SDK1: variants seen among roughly 807,000 people sequenced by gnomAD.
SDK1 encodes protein sidekick-1.
A neutral mutation model predicts 245.5 loss-of-function variants in SDK1; 157 were observed. The observed-to-expected ratio is 0.64, with a 90% CI of 0.56 to 0.73. SDK1 has a LOEUF of 0.73. Among genes scored for constraint, SDK1 ranks in the 30% least tolerant of loss-of-function variants. The pLI is 0.00. For synonymous variants in SDK1, 1,647 were observed against 1,278.5 expected (o/e 1.29, Z -6.15); for missense variants, 3,583 against 3,002.3 (o/e 1.19, Z -4.52).
At chr7:3,770,069 G>C (rs1780364855) in intron 4 of SDK1, among the ~76,000 whole-genome samples, 1 of 151,954 alleles carries the variant, frequency 6.6e-6, no homozygotes, top group South Asian at 2.1e-4. Flanking sequence ...GAGTGAGGGA[G>C]ATGAGACAGG....
rs375427445 is a variant in SDK1, at chr7:3,588,823, C to T, written c.299-30257C>T. Among the ~76,000 whole-genome samples the T allele has an allele frequency of 1.2e-4, 18 of 152,248 alleles. No individual in the cohort carries two copies. In the East Asian group the frequency reaches 2.7e-3, roughly 23 times the overall value. On this transcript the variant is annotated intron_variant, in intron 1 of 44. Transcript: ENST00000404826. ...ACTTTGCATCACTACTTTGGATGAT[C>T]CAAATAAAGGAAATAAAAGAATCAA...
intron 1 of SDK1, among the ~76,000 whole-genome samples, chr7:3,477,655 C>T (rs1001888343): frequency 2.0e-5 from 3 of 151,730 alleles, no homozygotes; most frequent in Non-Finnish European, 4.4e-5. Context: ...GCTGGGACTT[C>T]AGCACACACT....
At chr7:3,402,768 G>C (rs1778924410) in intron 1 of SDK1, among the ~76,000 whole-genome samples, 1 of 152,076 alleles carries the variant, frequency 6.6e-6, no homozygotes, top group African/African-American at 2.4e-5. Flanking sequence ...ATATTTTTGA[G>C]TCTATTAGTT....
rs1781579755 is a variant in SDK1 at position 3,385,181 on chromosome 7, C to G, written c.298+83297C>G. 2.6e-5 allele frequency among the ~76,000 whole-genome samples: 4 copies of G among 152,274 alleles called. No homozygotes were observed. The South Asian group carries it at 8.3e-4, about 32-fold the overall frequency. On this transcript the variant is annotated intron_variant, in intron 1 of 44. Coordinates refer to ENST00000404826, the MANE Select transcript of SDK1 (RefSeq NM_152744.4). ...CACGTCATCTTAGGCAAGTTATGGG[C>G]TTTTTCTGAGCCTCAGTTTTTCTCC...
At chr7:3,710,738 G>A (rs1188039807) in intron 4 of SDK1, among the ~76,000 whole-genome samples, 3 of 152,242 alleles carry the variant, frequency 2.0e-5, no homozygotes, top group Non-Finnish European at 4.4e-5. Flanking sequence ...CCAGCAGAGA[G>A]GCTAATGGGC....
At chr7:3,365,852 C>T (rs1166099555) in intron 1 of SDK1, among the ~76,000 whole-genome samples, 7 of 151,866 alleles carry the variant, frequency 4.6e-5, no homozygotes, top group Admixed American at 3.9e-4. Context: ...GCCTGGCCAA[C>T]ATGGTGAAAC....
intron 5 of SDK1, among the ~76,000 whole-genome samples, chr7:3,911,708 A>AG (rs1779170645): frequency 3.9e-5 from 6 of 152,062 alleles, no homozygotes; most frequent in Non-Finnish European, 8.8e-5. Context: ...TCTTTACTGT[A>AG]CCCATTTTGT....
intron 1 of SDK1, among the ~76,000 whole-genome samples, chr7:3,548,924 T>C (rs113178977): frequency 0.017 from 2,582 of 152,290 alleles, 55 homozygotes; most frequent in African/African-American, 0.051. Context: ...AATCGGAGAC[T>C]TCTGTTAAGA....
chr7:3,613,640 G>C (rs967601056), intron 1 of SDK1, among the ~76,000 whole-genome samples: 2 of 152,076 alleles, frequency 1.3e-5, no homozygotes. Flanking sequence ...ACATCACTGG[G>C]TATACACCCA....
chr7:3,453,733 A>G (rs56175518), intron 1 of SDK1, among the ~76,000 whole-genome samples: 18,661 of 150,452 alleles, frequency 0.12, 1,600 homozygotes, highest in African/African-American at 0.25. Flanking sequence ...GTGCACCACC[A>G]TGTCTGGCTA....
chr7:3,512,841 T>A (rs967375207), intron 1 of SDK1, among the ~76,000 whole-genome samples: 1 of 152,222 alleles, frequency 6.6e-6, no homozygotes, highest in African/African-American at 2.4e-5. Flanking sequence ...CGATGAAATC[T>A]TTTTCTGTTT....
At chr7:4,052,963 T>C (rs1250565009) in intron 19 of SDK1, among the ~76,000 whole-genome samples, 1 of 151,662 alleles carries the variant, frequency 6.6e-6, no homozygotes, top group Non-Finnish European at 1.5e-5. Context: ...GGCAGGCGCC[T>C]GTAATCCCAG....
chr7:3,705,471 ATTTTATTTTAT>A (rs1562384691), intron 4 of SDK1, among the ~76,000 whole-genome samples: 3 of 136,216 alleles, frequency 2.2e-5, no homozygotes, highest in African/African-American at 6.4e-5. Context: ...ATTTTATTTT[ATTTTATTTTAT>A]TTTATTTTAT....
chr7:3,401,506 C>G (rs1778886349), intron 1 of SDK1, among the ~76,000 whole-genome samples: 1 of 152,116 alleles, frequency 6.6e-6, no homozygotes, highest in Admixed American at 6.6e-5. Context: ...CATAGGACTT[C>G]ATAATTTTAT....
intron 5 of SDK1, among the ~76,000 whole-genome samples, chr7:3,834,535 G>A (rs971508357): frequency 2.6e-5 from 4 of 152,236 alleles, no homozygotes; most frequent in South Asian, 2.1e-4. Context: ...TGCACCAGCA[G>A]TGAGATGATT....
At chr7:3,528,473 G>C (rs1230157284) in intron 1 of SDK1, among the ~76,000 whole-genome samples, 1 of 151,980 alleles carries the variant, frequency 6.6e-6, no homozygotes, top group East Asian at 1.9e-4. Flanking sequence ...TTTTCTTTTA[G>C]GCATAAGAGA....
At chr7:3,917,015 T>G (rs917147354) in intron 5 of SDK1, among the ~76,000 whole-genome samples, 13 of 152,178 alleles carry the variant, frequency 8.5e-5, no homozygotes, top group Admixed American at 2.6e-4. Flanking sequence ...GCTCACAGAC[T>G]GGGGGCAAAT....
Position 4,012,131 on chromosome 7 carries a change from G to GA in SDK1, c.2321dup (p.Asn774LysfsTer9). On this transcript the variant is annotated frameshift_variant, in exon 16 of 45. Coordinates refer to ENST00000404826, the MANE Select transcript of SDK1 (RefSeq NM_152744.4). LOFTEE classifies it high-confidence loss of function. Reference sequence around the variant, plus strand: ...CTGAAGAACCACCCAGTGCTCCCCCGAAAAATATAGTGGCCAGTGGGCGGA... The same window carrying GA: ...CTGAAGAACCACCCAGTGCTCCCCCGAAAAAATATAGTGGCCAGTGGGCGGA... 6.3e-7 allele frequency: 1 copy of GA among 1,574,832 alleles called. No homozygotes were observed. The highest frequency in any genetic ancestry group is 8.6e-7 in the Non-Finnish European group (1 of 1,161,152).
At chr7:3,512,204 A>G (rs1185552634) in intron 1 of SDK1, among the ~76,000 whole-genome samples, 1 of 151,974 alleles carries the variant, frequency 6.6e-6, no homozygotes, top group Non-Finnish European at 1.5e-5. Flanking sequence ...TATCATTGGG[A>G]TCATACAGAA....
Sources: gnomAD v4.1 joint callset for allele counts (sites outside exome capture counted in the v4.1 genomes callset) on GRCh38, gnomAD v4.1.1 for gene constraint, MANE v1.5 for transcripts, NCBI Gene and HGNC (gene_info 2026-07-23, HGNC 2026-07-21) for gene names.